Variants in NDUFAF7 observed in about 807,000 individuals in gnomAD.
The protein encoded by NDUFAF7 is NADH:ubiquinone oxidoreductase complex assembly factor 7, also known as protein arginine methyltransferase NDUFAF7, mitochondrial.
NDUFAF7 carries 48 observed loss-of-function variants against 47.2 expected under a neutral mutation model. That is an observed-to-expected ratio of 1.02 (90% CI 0.81 to 1.29). The LOEUF is 1.29. Ranked by LOEUF, NDUFAF7 falls within the 50% of genes most tolerant of loss-of-function variation. The pLI, the probability that NDUFAF7 is intolerant of heterozygous loss-of-function variation, is 0.00. For missense variants in NDUFAF7, 635 were observed against 537.6 expected (o/e 1.18, Z -1.79); for synonymous variants, 217 against 190.0 (o/e 1.14, Z -1.17).
the NDUFAF7 span, among the ~76,000 whole-genome samples, chr2:37,267,129 G>A: frequency 4.0e-4 from 61 of 152,268 alleles, no homozygotes; most frequent in Admixed American, 1.2e-3. Flanking sequence ...TGACAAGCAT[G>A]TCACCTGTGA....
At chr2:37,261,403 C>T in the NDUFAF7 span, among the ~76,000 whole-genome samples, 1 of 151,892 alleles carries the variant, frequency 6.6e-6, no homozygotes, top group Non-Finnish European at 1.5e-5. Context: ...AGGAGAATCA[C>T]TTGAACCTGG....
rs1572557180 is a variant in NDUFAF7 at position 37,243,138 on chromosome 2, A to G, written c.681+445A>G. On this transcript the variant is annotated intron_variant, in intron 6 of 9. Transcript: ENST00000002125. ...CACTGCACCCAGCCAACCTTAGCAC[A>G]TTTTAAAAAATTATAGATTAAACTT... 2.0e-5 allele frequency among the ~76,000 whole-genome samples: 3 copies of G among 152,234 alleles called. 1 individual carries two copies. Among genetic ancestry groups the G allele is most frequent in the Admixed American group, 2.0e-4 (3 of 15,292 alleles).
downstream of NDUFAF7, among the ~76,000 whole-genome samples, chr2:37,253,680 G>C (rs1330333101): frequency 6.6e-6 from 1 of 152,078 alleles, no homozygotes; most frequent in African/African-American, 2.4e-5. Context: ...TACTCAAAGT[G>C]GGGGAAAGTG....
chr2:37,233,002 G>T (rs1004240836), intron 2 of NDUFAF7, among the ~76,000 whole-genome samples: 4 of 152,212 alleles, frequency 2.6e-5, no homozygotes, highest in Non-Finnish European at 5.9e-5. Context: ...TTTACCCAAG[G>T]CCGGTATCTT....
At chr2:37,254,155 T>C (rs375544773), downstream of NDUFAF7, 18 of 1,374,396 alleles carry the variant, frequency 1.3e-5, no homozygotes, top group African/African-American at 2.4e-4. Context: ...CAAATCAGAG[T>C]GAACTACTCA....
the NDUFAF7 span, among the ~76,000 whole-genome samples, chr2:37,259,052 GAA>G: frequency 1.1e-4 from 17 of 148,776 alleles, no homozygotes; most frequent in South Asian, 2.1e-4. Flanking sequence ...TGAACACTTG[GAA>G]AAAAAAAAAA....
At chr2:37,251,903 A>T (rs1667534708), downstream of NDUFAF7, 1 of 152,094 alleles carries the variant, frequency 6.6e-6, no homozygotes, top group Non-Finnish European at 1.5e-5. Flanking sequence ...GTTTACAATG[A>T]TTACTGAGAA....
the NDUFAF7 span, chr2:37,267,726 GC>G: frequency 3.9e-6 from 2 of 515,400 alleles, no homozygotes; most frequent in South Asian, 5.5e-5. Context: ...CATAATATTT[GC>G]CCCTAATAAA....
At chr2:37,247,987 A>G (rs1333984151) in intron 9 of NDUFAF7, 148 bp from the exon 10 acceptor site, 1 of 723,218 alleles carries the variant, frequency 1.4e-6, no homozygotes, top group Non-Finnish European at 2.3e-6. Context: ...TACATTTTTA[A>G]TAAGTACTCT....
At chr2:37,242,367 C>T in intron 5 of NDUFAF7, 2 of 309,422 alleles carry the variant, frequency 6.5e-6, no homozygotes, top group Non-Finnish European at 1.2e-5. Flanking sequence ...GCTAACAACT[C>T]TGACTTCTAA....
At chr2:37,257,444 T>A (rs1668045923), downstream of NDUFAF7, among the ~76,000 whole-genome samples, 1 of 151,982 alleles carries the variant, frequency 6.6e-6, no homozygotes, top group Non-Finnish European at 1.5e-5. Flanking sequence ...GGCGGGCGGA[T>A]CACGAGGTCA....
intron 6 of NDUFAF7, 137 bp downstream of exon 6, chr2:37,242,830 C>G (rs1666496385): frequency 3.2e-6 from 2 of 628,238 alleles, no homozygotes; most frequent in African/African-American, 3.8e-5. Flanking sequence ...TTTTGGTACA[C>G]AAATAATTCA....
intron 4 of NDUFAF7, 22 bp downstream of exon 4, chr2:37,237,889 T>G (rs368016715): frequency 9.9e-6 from 15 of 1,509,334 alleles, no homozygotes; most frequent in African/African-American, 1.4e-5. Context: ...AAGAATGTCT[T>G]CTAGTCTCAT....
the NDUFAF7 span, chr2:37,267,541 T>G: frequency 6.3e-7 from 1 of 1,588,614 alleles, no homozygotes. Context: ...GTTTTCCTAT[T>G]AAGAAAAAAA....
At chr2:37,258,526 G>A in the NDUFAF7 span, among the ~76,000 whole-genome samples, 98 of 152,274 alleles carry the variant, frequency 6.4e-4, no homozygotes, top group Non-Finnish European at 2.5e-4. Flanking sequence ...TTGGAACACT[G>A]TGGATCACTA....
intron 2 of NDUFAF7, among the ~76,000 whole-genome samples, chr2:37,232,614 C>T (rs373774523): frequency 6.6e-6 from 1 of 152,076 alleles, no homozygotes; most frequent in African/African-American, 2.4e-5. Flanking sequence ...ATGGAGAGTT[C>T]AGGCTGGTAT....
the NDUFAF7 span, chr2:37,269,053 A>G: frequency 2.0e-5 from 3 of 153,814 alleles, no homozygotes; most frequent in African/African-American, 4.8e-5. Flanking sequence ...CTTTCTTAGT[A>G]CCTTTACATA....
At chr2:37,239,271 A>C (rs1666115291) in intron 4 of NDUFAF7, among the ~76,000 whole-genome samples, 1 of 152,016 alleles carries the variant, frequency 6.6e-6, no homozygotes, top group Admixed American at 6.6e-5. Flanking sequence ...GGCGTGGATC[A>C]CTACACCCGG....
chr2:37,261,646 G>A, the NDUFAF7 span, among the ~76,000 whole-genome samples: 1 of 152,002 alleles, frequency 6.6e-6, no homozygotes, highest in Non-Finnish European at 1.5e-5. Flanking sequence ...CGGGTGTGGT[G>A]GCGCAAGCCT....
Sources: gnomAD v4.1 joint callset for allele counts (sites outside exome capture counted in the v4.1 genomes callset) on GRCh38, gnomAD v4.1.1 for gene constraint, MANE v1.5 for transcripts, NCBI Gene and HGNC (gene_info 2026-07-23, HGNC 2026-07-21) for gene names.